The following PTPN7 variants were observed in gnomAD, a reference collection of about 807,000 sequenced individuals.
PTPN7 encodes tyrosine-protein phosphatase non-receptor type 7.
In PTPN7, 33 loss-of-function variants were observed where a neutral mutation model predicts 50.3. The observed-to-expected ratio is 0.66, with a 90% CI of 0.50 to 0.88. The LOEUF (loss-of-function observed/expected upper bound fraction) is 0.88. Among genes scored for constraint, PTPN7 ranks in the 40% least tolerant of loss-of-function variants. PTPN7 has a pLI of 0.00. For missense variants in PTPN7, 412 were observed against 475.4 expected, an observed-to-expected ratio of 0.87 and a Z score of 1.24; for synonymous variants, 185 against 186.6, an observed-to-expected ratio of 0.99 and a Z score of 0.07.
chr1:202,160,951 C>T, upstream of PTPN7: 2 of 1,429,212 alleles, frequency 1.4e-6, no homozygotes, highest in South Asian at 1.5e-5. The surrounding 1 kb of genome is among the most constrained non-coding windows in gnomAD (Gnocchi z 4.8). Context: ...CCAAGGCTCT[C>T]CTGCTCAACC....
intron 9 of PTPN7, among the ~76,000 whole-genome samples, chr1:202,149,236 C>T (rs1215172731): frequency 2.0e-5 from 3 of 152,094 alleles, no homozygotes; most frequent in African/African-American, 7.2e-5. Context: ...GCCCCTTACA[C>T]GTGCTGAGGG....
At chr1:202,152,267 T>TGG (rs1277557245) in intron 8 of PTPN7, among the ~76,000 whole-genome samples, 1 of 152,222 alleles carries the variant, frequency 6.6e-6, no homozygotes, top group Non-Finnish European at 1.5e-5. Flanking sequence ...CCCCAACAGC[T>TGG]GGAATCCTGT....
Position 202,148,819 on chromosome 1 carries a change from A to G in PTPN7, c.990-120T>C. 2 of 595,874 alleles carry G rather than the reference A, an allele frequency of 3.4e-6. 1 individual carries two copies. Among genetic ancestry groups the G allele is most frequent in the South Asian group, 5.5e-5 (2 of 36,178 alleles). The allele number at this position is 595,874 out of a possible 1,614,324, so 36.9% of individuals were successfully genotyped here. Reference sequence around the variant, plus strand: ...TCCTGACTTTCTCAAAGAACATGCCAACTCCTTTGCCTATATTCATCTTTT... The same window carrying G: ...TCCTGACTTTCTCAAAGAACATGCCGACTCCTTTGCCTATATTCATCTTTT... On this transcript the variant is annotated intron_variant, in intron 9 of 9. Transcript: ENST00000691036.
In PTPN7 at chr1:202,160,184, G is replaced by A. The variant is rs932994091; in HGVS notation, c.-53+361C>T. Among the ~76,000 whole-genome samples, 3 of 152,160 alleles carry A rather than the reference G, an allele frequency of 2.0e-5. No homozygotes were observed. The highest frequency in any genetic ancestry group is 3.8e-4 in the East Asian group (2 of 5,198). On this transcript the variant is annotated intron_variant, in intron 1 of 9. Coordinates refer to ENST00000691036, the MANE Select transcript of PTPN7 (RefSeq NM_002832.4). This position sits in a 1 kb window ranked among gnomAD's most constrained non-coding sequence, Gnocchi z 4.8. ...GTGGTGGGACCATCTCCTCTTGGGGGCAGTCCCTATCTCCCAGAGCCAGGG... is the reference window on the plus strand; with the variant it reads ...GTGGTGGGACCATCTCCTCTTGGGGACAGTCCCTATCTCCCAGAGCCAGGG...
rs866864762 is a variant in PTPN7, at chr1:202,154,218, C to T, written c.574G>A (p.Val192Ile). 4 of 1,614,152 alleles carry T rather than the reference C, an allele frequency of 2.5e-6. No homozygotes were observed. In the South Asian group the frequency reaches 4.4e-5, roughly 18 times the overall value. The change falls in exon 6 of 10, where the codon GTC becomes ATC. Residue 192 changes from valine to isoleucine, a missense_variant. Physicochemically the swap from Val to Ile is conservative, Grantham distance 29. Coordinates refer to ENST00000691036, the MANE Select transcript of PTPN7 (RefSeq NM_002832.4). Reference sequence around the variant, plus strand: ...CCCTCTCGGAGCTGAGTGAGCATGACAATGAGGGACACTTCCTCTTGCCAC... The same window carrying T: ...CCCTCTCGGAGCTGAGTGAGCATGATAATGAGGGACACTTCCTCTTGCCAC... ...MVWQEEVSLIVMLTQLREGKE... is the reference protein window; with the variant it reads ...MVWQEEVSLIIMLTQLREGKE...
Position 202,153,742 on chromosome 1 carries a change from GCA to G in PTPN7, c.698_699del (p.Val233AlafsTer123). The G allele has an allele frequency of 6.2e-7, 1 of 1,613,858 alleles. No homozygotes were observed. On this transcript the variant is annotated frameshift_variant, in exon 7 of 10. Coordinates refer to ENST00000691036, the MANE Select transcript of PTPN7 (RefSeq NM_002832.4). LOFTEE classifies it high-confidence loss of function. The part of the protein sequence containing the change: ...QDMKECPEYT[V>X]RQLTIQYQEE... ...GGTGGTACCTGGATGGTGAGCTGCC[GCA>G]CAGTGTATTCTGGGCACTCTTTCAT... is the stretch of plus-strand genomic sequence containing the variant.
Position 202,160,015 on chromosome 1 carries a change from G to A in PTPN7, c.-53+530C>T. The A allele has an allele frequency of 2.0e-6, 2 of 992,950 alleles. No individual in the cohort carries two copies. The highest frequency in any genetic ancestry group is 1.1e-4 in the Admixed American group (2 of 17,968). The allele number at this position is 992,950 out of a possible 1,614,324, so 61.5% of individuals were successfully genotyped here. ...GGCTTCTGGGGTCTCTGTCCAGGGA[G>A]GTAGGCTGGAGGTGTTTCCTTCCTC... On this transcript the variant is annotated intron_variant, in intron 1 of 9. Transcript: ENST00000691036. This position sits in a 1 kb window ranked among gnomAD's most constrained non-coding sequence, Gnocchi z 4.8.
At chr1:202,157,138 C>G (rs1158656128) in intron 4 of PTPN7, among the ~76,000 whole-genome samples, 3 of 152,212 alleles carry the variant, frequency 2.0e-5, no homozygotes, top group African/African-American at 4.8e-5. Context: ...TTCAACTTCT[C>G]TGTGCCTTAG....
chr1:202,149,722 G>A (rs1168120142), intron 9 of PTPN7: 2 of 152,030 alleles, frequency 1.3e-5, no homozygotes, highest in Non-Finnish European at 2.9e-5. Flanking sequence ...TCTGAACACC[G>A]GCTCTGCCTC....
intron 9 of PTPN7, among the ~76,000 whole-genome samples, chr1:202,149,184 C>T (rs530312135): frequency 1.3e-5 from 2 of 152,014 alleles, no homozygotes; most frequent in Admixed American, 6.6e-5. Context: ...ACTTTCTACT[C>T]CTCATTGCTG....
chr1:202,148,786 T>A, intron 9 of PTPN7, 87 bp from the exon 10 acceptor site: 1 of 1,086,964 alleles, frequency 9.2e-7, no homozygotes, highest in Non-Finnish European at 1.3e-6. Context: ...GTGGTCCTAC[T>A]GGGAAAGTCC....
chr1:202,154,392 G>A, intron 5 of PTPN7, 69 bp from the exon 6 acceptor site: 1 of 1,540,584 alleles, frequency 6.5e-7, no homozygotes, highest in Non-Finnish European at 8.8e-7. Flanking sequence ...GATCCTAGAT[G>A]CCTCAGGTGC....
At chr1:202,154,816 G>A (rs1656466235) in intron 5 of PTPN7, among the ~76,000 whole-genome samples, 1 of 152,158 alleles carries the variant, frequency 6.6e-6, no homozygotes, top group Non-Finnish European at 1.5e-5. Context: ...GCAAAATGTA[G>A]CACACTCTCC....
chr1:202,150,556 G>A, intron 8 of PTPN7, 132 bp from the exon 9 acceptor site: 1 of 669,450 alleles, frequency 1.5e-6, no homozygotes, highest in Non-Finnish European at 2.6e-6. Flanking sequence ...GGAGATGGAG[G>A]CAGGTAGCAG....
chr1:202,160,959 A>G, upstream of PTPN7: 1 of 1,424,374 alleles, frequency 7.0e-7, no homozygotes, highest in Admixed American at 2.9e-5. This position sits in a 1 kb window ranked among gnomAD's most constrained non-coding sequence, Gnocchi z 4.8. Context: ...CTCCTGCTCA[A>G]CCTGACCTTG....
At chr1:202,158,507 C>A in intron 2 of PTPN7, 1 of 528,278 alleles carries the variant, frequency 1.9e-6, no homozygotes, top group Non-Finnish European at 3.3e-6. Context: ...ACCACAGGTA[C>A]ATGCTACCAC....
rs1051411111 is a variant in PTPN7, at chr1:202,160,221, G to A, written c.-53+324C>T. Among the ~76,000 whole-genome samples the A allele has an allele frequency of 6.6e-6, 1 of 152,142 alleles. No individual in the cohort carries two copies. The highest frequency in any genetic ancestry group is 6.5e-5 in the Admixed American group (1 of 15,284). On this transcript the variant is annotated intron_variant, in intron 1 of 9. Transcript: ENST00000691036. This position sits in a 1 kb window ranked among gnomAD's most constrained non-coding sequence, Gnocchi z 4.8. ...TCCCAGAGCCAGGGTCACAGTGGGC[G>A]AGGTGGCGGGGGTGTTGAATCACCA...
At position 202,160,433 on chromosome 1, in the gene PTPN7, T is replaced by C. The variant is rs547272352; in HGVS notation, c.-53+112A>G. The C allele has an allele frequency of 4.4e-6, 5 of 1,140,440 alleles. No individual in the cohort carries two copies. Among genetic ancestry groups the C allele is most frequent in the Middle Eastern group, 2.9e-4 (1 of 3,400 alleles). 70.6% of individuals were successfully genotyped at this position (1,140,440 alleles called of 1,614,324 possible). A position where few individuals can be genotyped will look rare whatever the true frequency, so the allele number is the denominator to read the frequency against. ...GAGCACCCATACCCCAGCCAGGCAC[T>C]GTGGCGCCCCACTCGCCCTCCCGCA... On this transcript the variant is annotated intron_variant, in intron 1 of 9. Coordinates refer to ENST00000691036, the MANE Select transcript of PTPN7 (RefSeq NM_002832.4). The surrounding 1 kb of genome is among the most constrained non-coding windows in gnomAD (Gnocchi z 4.8).
chr1:202,151,107 C>A lies in PTPN7; in HGVS notation c.876-683G>T, dbSNP rs117097658. 1.5e-3 allele frequency among the ~76,000 whole-genome samples: 236 copies of A among 152,292 alleles called. 5 individuals carry two copies. The East Asian group carries it at 0.039, about 25-fold the overall frequency. On this transcript the variant is annotated intron_variant, in intron 8 of 9. Transcript: ENST00000691036. ...TTTAGTCTTGTCCCCTACGACACCCCCTCACTCTGGCCCAATCCATTTTTC... is the reference window on the plus strand; with the variant it reads ...TTTAGTCTTGTCCCCTACGACACCCACTCACTCTGGCCCAATCCATTTTTC...
Sources: allele counts gnomAD v4.1 joint callset (sites outside exome capture counted in the v4.1 genomes callset), GRCh38; gene constraint gnomAD v4.1.1; non-coding constraint Gnocchi (gnomAD v3.1); transcripts MANE v1.5; gene names NCBI Gene and HGNC (gene_info 2026-07-23, HGNC 2026-07-21).